The following FRAS1 variants were observed in gnomAD, a reference collection of about 807,000 sequenced individuals.
The protein encoded by FRAS1 is extracellular matrix organizing protein FRAS1.
In FRAS1, 290 loss-of-function variants were observed where a neutral mutation model predicts 435.2. That is an observed-to-expected ratio of 0.67 (90% CI 0.61 to 0.73). The LOEUF (loss-of-function observed/expected upper bound fraction) is 0.73. FRAS1 is among the 30% of genes least tolerant of loss of function. The pLI, the probability that FRAS1 is intolerant of heterozygous loss-of-function variation, is 0.00. For missense variants in FRAS1, 4,860 were observed against 5,001.5 expected (o/e 0.97, Z 0.85); for synonymous variants, 1,800 against 1,851.0 (o/e 0.97, Z 0.71).
At chr4:78,322,617 T>C (rs1330444814) in intron 18 of FRAS1, among the ~76,000 whole-genome samples, 2 of 152,174 alleles carry the variant, frequency 1.3e-5, no homozygotes, top group Admixed American at 1.3e-4. Flanking sequence ...TGTCAGCAGT[T>C]ATCGTAACAG....
chr4:78,346,032 C>T (rs1279449037), intron 20 of FRAS1, among the ~76,000 whole-genome samples: 2 of 152,272 alleles, frequency 1.3e-5, no homozygotes, highest in Non-Finnish European at 2.9e-5. Flanking sequence ...TAGGTCAGGG[C>T]TTGAATTGCA....
At chr4:78,061,061 G>C (rs1739740534) in intron 1 of FRAS1, among the ~76,000 whole-genome samples, 1 of 152,074 alleles carries the variant, frequency 6.6e-6, no homozygotes, top group Non-Finnish European at 1.5e-5. Flanking sequence ...TGGCCAGGCT[G>C]GTCTTGAACT....
At position 78,445,872 on chromosome 4, in the gene FRAS1, T is replaced by G. The variant is rs1335662439; in HGVS notation, c.5856+160T>G. 3 of 1,360,512 alleles carry G rather than the reference T, an allele frequency of 2.2e-6. No homozygotes were observed. The African/African-American group carries it at 4.4e-5, about 20-fold the overall frequency. 84.3% of individuals were successfully genotyped at this position (1,360,512 alleles called of 1,614,324 possible). On this transcript the variant is annotated intron_variant, in intron 42 of 73. Transcript: ENST00000512123. Reference sequence around the variant, plus strand: ...ATAGCCTTCAGGAATCTTGTAGAATTAAGGTTGGCATTTGGGGAAGGCTTG... The same window carrying G: ...ATAGCCTTCAGGAATCTTGTAGAATGAAGGTTGGCATTTGGGGAAGGCTTG...
rs560142234 is a variant in FRAS1 at position 78,059,164 on chromosome 4, G to A, written c.76+1079G>A. Among the ~76,000 whole-genome samples, 614 of 152,306 alleles carry A rather than the reference G, an allele frequency of 4.0e-3. 3 individuals carry two copies. Among genetic ancestry groups the A allele is most frequent in the African/African-American group, 0.014 (591 of 41,566 alleles). ...CCGCCTTCTCCGCCCTGGTGCCTAGGAAGGGGCGCGGGGCGGCTCCCGGGA... is the reference window on the plus strand; with the variant it reads ...CCGCCTTCTCCGCCCTGGTGCCTAGAAAGGGGCGCGGGGCGGCTCCCGGGA... On this transcript the variant is annotated intron_variant, in intron 1 of 73. Coordinates refer to ENST00000512123, the MANE Select transcript of FRAS1 (RefSeq NM_025074.7).
At chr4:78,124,795 G>T (rs1228800540) in intron 2 of FRAS1, among the ~76,000 whole-genome samples, 1 of 152,146 alleles carries the variant, frequency 6.6e-6, no homozygotes, top group African/African-American at 2.4e-5. Flanking sequence ...ATGGTAGTTT[G>T]TATTTCTGTG....
chr4:78,292,598 G>C lies in FRAS1; in HGVS notation c.1534+6059G>C, dbSNP rs567989745. 5.3e-5 allele frequency among the ~76,000 whole-genome samples: 8 copies of C among 152,282 alleles called. No individual in the cohort carries two copies. In the South Asian group the frequency reaches 1.7e-3, roughly 32 times the overall value. On this transcript the variant is annotated intron_variant, in intron 14 of 73. Coordinates refer to ENST00000512123, the MANE Select transcript of FRAS1 (RefSeq NM_025074.7). ...GGGATTTAATGGGTCTTGGTGTTGT[G>C]TTCCAACACATGACTTATCCCAGCC...
At chr4:78,154,892 G>A (rs1173714954) in intron 2 of FRAS1, among the ~76,000 whole-genome samples, 1 of 152,102 alleles carries the variant, frequency 6.6e-6, no homozygotes, top group Non-Finnish European at 1.5e-5. Flanking sequence ...TTTGTCTCTG[G>A]ACCTTCTCCA....
intron 15 of FRAS1, among the ~76,000 whole-genome samples, chr4:78,310,996 A>G (rs950894610): frequency 1.4e-4 from 22 of 152,200 alleles, no homozygotes; most frequent in African/African-American, 5.1e-4. Context: ...TGGTACGTGT[A>G]TTGCGTTCAA....
intron 14 of FRAS1, among the ~76,000 whole-genome samples, chr4:78,305,420 T>G (rs1404859178): frequency 6.6e-6 from 1 of 150,620 alleles, no homozygotes; most frequent in Non-Finnish European, 1.5e-5. Flanking sequence ...GTATCCTTGT[T>G]GACTTTCTGT....
chr4:78,222,468 G>C (rs1439860290), intron 2 of FRAS1, among the ~76,000 whole-genome samples: 3 of 152,208 alleles, frequency 2.0e-5, no homozygotes, highest in Admixed American at 2.0e-4. Flanking sequence ...GTTGACTGCA[G>C]GGCAGAAAGA....
intron 2 of FRAS1, among the ~76,000 whole-genome samples, chr4:78,118,956 G>A (rs183580847): frequency 1.3e-5 from 2 of 152,096 alleles, no homozygotes; most frequent in Non-Finnish European, 2.9e-5. Flanking sequence ...CAGCCATCTT[G>A]GCTCCACCAC....
chr4:78,309,094 T>C (rs986820427), intron 15 of FRAS1, among the ~76,000 whole-genome samples: 3 of 152,208 alleles, frequency 2.0e-5, no homozygotes, highest in Non-Finnish European at 4.4e-5. Flanking sequence ...GAATCGAGGA[T>C]GGACCAGAGG....
intron 14 of FRAS1, among the ~76,000 whole-genome samples, chr4:78,294,403 T>G (rs1052084167): frequency 3.9e-5 from 6 of 152,228 alleles, no homozygotes; most frequent in African/African-American, 1.4e-4. Context: ...CTGTGGATTT[T>G]CAGTGGTCAC....
intron 18 of FRAS1, among the ~76,000 whole-genome samples, chr4:78,324,915 A>C (rs1400292627): frequency 6.6e-6 from 1 of 152,082 alleles, no homozygotes; most frequent in Non-Finnish European, 1.5e-5. Flanking sequence ...GGAGTCTTTC[A>C]ATTTCCATGC....
chr4:78,272,135 A>G (rs1225976804), intron 9 of FRAS1, among the ~76,000 whole-genome samples: 1 of 152,040 alleles, frequency 6.6e-6, no homozygotes, highest in Non-Finnish European at 1.5e-5. Context: ...GTCTGTTCAT[A>G]TCCTTCACCC....
intron 29 of FRAS1, among the ~76,000 whole-genome samples, chr4:78,400,146 C>T: frequency 6.6e-6 from 1 of 152,198 alleles, no homozygotes. Context: ...CACCATGTCT[C>T]TACTTAGAAA....
At chr4:78,534,722 C>T in intron 71 of FRAS1, 107 bp downstream of exon 71, 1 of 1,012,192 alleles carries the variant, frequency 9.9e-7, no homozygotes, top group South Asian at 1.5e-5. Context: ...GTCACCACCC[C>T]AGTAAAGATC....
chr4:78,058,063 A>G lies in FRAS1; in HGVS notation c.54A>G (p.Ala18=), dbSNP rs374397187. 1.2e-6 allele frequency: 2 copies of G among 1,613,476 alleles called. No individual in the cohort carries two copies. The highest frequency in any genetic ancestry group is 1.7e-6 in the Non-Finnish European group (2 of 1,179,832). The change falls in exon 1 of 74, where the codon GCA becomes GCG. Residue 18 remains alanine (A), a synonymous_variant. Coordinates refer to ENST00000512123, the MANE Select transcript of FRAS1 (RefSeq NM_025074.7). The part of the protein sequence containing the change: ...LGLALALAEF[A]VLPHHSEGAC... ...TGGCCCTAGCGTTGGCGGAATTTGC[A>G]GTATTGCCTCATCATTCCGAAGGTG... is the stretch of plus-strand genomic sequence containing the variant.
intron 20 of FRAS1, among the ~76,000 whole-genome samples, chr4:78,339,716 T>C (rs1326584382): frequency 1.3e-5 from 2 of 152,208 alleles, no homozygotes; most frequent in Non-Finnish European, 2.9e-5. Context: ...TTAGTTAAAA[T>C]GGTTGGGAAA....
Sources: allele counts gnomAD v4.1 joint callset (sites outside exome capture counted in the v4.1 genomes callset), GRCh38; gene constraint gnomAD v4.1.1; transcripts MANE v1.5; gene names NCBI Gene and HGNC (gene_info 2026-07-23, HGNC 2026-07-21).